Variants in ZNF613 observed in about 807,000 individuals in gnomAD.
The protein encoded by ZNF613 is zinc finger protein 613.
A neutral mutation model predicts 14.3 loss-of-function variants in ZNF613; 8 were observed. That is an observed-to-expected ratio of 0.56 (90% CI 0.33 to 1.01). The LOEUF is 1.01. Ranked by LOEUF, ZNF613 falls within the 50% of genes least tolerant of loss-of-function variation. ZNF613 has a pLI of 0.03. For missense variants in ZNF613, 656 were observed against 741.9 expected (o/e 0.88, Z 1.35); for synonymous variants, 228 against 254.5 (o/e 0.90, Z 0.99).
At chr19:51,932,057 GC>G (rs1378128380) in intron 2 of ZNF613, among the ~76,000 whole-genome samples, 1 of 152,084 alleles carries the variant, frequency 6.6e-6, no homozygotes, top group Non-Finnish European at 1.5e-5. Flanking sequence ...TTGTCAGTCG[GC>G]CTTTTGGTTC....
At chr19:51,931,732 C>T (rs889091832) in intron 2 of ZNF613, among the ~76,000 whole-genome samples, 1 of 152,086 alleles carries the variant, frequency 6.6e-6, no homozygotes, top group Non-Finnish European at 1.5e-5. Flanking sequence ...CAGTGTTGTA[C>T]AACCACCACT....
At chr19:51,942,002 CTT>C (rs2085353656) in intron 5 of ZNF613, among the ~76,000 whole-genome samples, 1 of 152,136 alleles carries the variant, frequency 6.6e-6, no homozygotes, top group Admixed American at 6.5e-5. Context: ...CTTTTCTGTT[CTT>C]ACCATAGTCT....
At chr19:51,942,200 G>A (rs749911218) in intron 5 of ZNF613, among the ~76,000 whole-genome samples, 14 of 152,214 alleles carry the variant, frequency 9.2e-5, no homozygotes, top group South Asian at 4.1e-4. Flanking sequence ...AGTAGTTTCC[G>A]CAGTGTGTCC....
intron 5 of ZNF613, 134 bp from the exon 6 acceptor site, chr19:51,943,985 C>T (rs1486679137): frequency 3.6e-6 from 2 of 549,740 alleles, no homozygotes; most frequent in African/African-American, 3.9e-5. Flanking sequence ...GTCCAAGTGA[C>T]AATAGGCATA....
Position 51,945,972 on chromosome 19 carries a change from T to C in ZNF613, c.*235T>C, listed in dbSNP as rs987628950. The C allele has an allele frequency of 1.9e-6, 1 of 523,496 alleles. No individual in the cohort carries two copies. Among genetic ancestry groups the C allele is most frequent in the Non-Finnish European group, 3.4e-6 (1 of 291,962 alleles). The allele number at this position is 523,496 out of a possible 1,614,324, so 32.4% of individuals were successfully genotyped here. A position where few individuals can be genotyped will look rare whatever the true frequency, so the allele number is the denominator to read the frequency against. ...CCATAGATCACATCTTCAGTGAGCT[T>C]ATAGTTGGTAGAAATATAATGATCA... On this transcript the variant is annotated 3_prime_UTR_variant, in exon 6 of 6. Coordinates refer to ENST00000293471, the MANE Select transcript of ZNF613 (RefSeq NM_001031721.4).
At chr19:51,930,520 C>T (rs567998983) in intron 2 of ZNF613, among the ~76,000 whole-genome samples, 1 of 152,316 alleles carries the variant, frequency 6.6e-6, no homozygotes, top group South Asian at 2.1e-4. Context: ...CCTCAGCCTC[C>T]CAAAGTGCTG....
intron 1 of ZNF613, among the ~76,000 whole-genome samples, chr19:51,929,412 T>A (rs1568462920): frequency 6.6e-6 from 1 of 152,292 alleles, no homozygotes; most frequent in South Asian, 2.1e-4. Flanking sequence ...AGCACCTTAG[T>A]TTTTAATTTT....
Position 51,946,257 on chromosome 19 carries a change from AC to A in ZNF613, c.*521del. The A allele has an allele frequency of 6.3e-6, 1 of 159,232 alleles. No homozygotes were observed. The highest frequency in any genetic ancestry group is 1.9e-4 in the East Asian group (1 of 5,394). The allele number at this position is 159,232 out of a possible 1,614,324, so 9.9% of individuals were successfully genotyped here. A position where few individuals can be genotyped will look rare whatever the true frequency, so the allele number is the denominator to read the frequency against. The stretch of plus-strand genomic sequence containing the variant: ...TTTAGAGATTTCGATCAGAAATCTA[AC>A]ATCATTATATGGCAGATAATATACA... On this transcript the variant is annotated 3_prime_UTR_variant, in exon 6 of 6. Coordinates refer to ENST00000293471, the MANE Select transcript of ZNF613 (RefSeq NM_001031721.4).
intron 1 of ZNF613, chr19:51,928,050 A>AATCTATCTATCT (rs201340067): frequency 3.7e-5 from 3 of 81,692 alleles, no homozygotes; most frequent in African/African-American, 1.0e-4. Context: ...TGTCTAATCT[A>AATCTATCTATCT]ATCTATCTAT....
chr19:51,932,745 G>A (rs2085276730), intron 2 of ZNF613, among the ~76,000 whole-genome samples: 1 of 149,748 alleles, frequency 6.7e-6, no homozygotes, highest in South Asian at 2.1e-4. Flanking sequence ...GCACACTCTT[G>A]GCTCACTGCA....
chr19:51,939,463 G>C (rs1404462477), intron 3 of ZNF613, among the ~76,000 whole-genome samples: 1 of 151,888 alleles, frequency 6.6e-6, no homozygotes, highest in Non-Finnish European at 1.5e-5. Flanking sequence ...CGAGTAGCTG[G>C]GATTACAGGC....
rs751714240 is a variant in ZNF613, at chr19:51,944,451, C to T, written c.568C>T (p.Gln190Ter). The T allele has an allele frequency of 1.9e-6, 3 of 1,604,760 alleles. No homozygotes were observed. Among genetic ancestry groups the T allele is most frequent in the Non-Finnish European group, 8.5e-7 (1 of 1,173,110 alleles). Residue 190 changes from glutamine to a stop codon, truncating the protein, a stop_gained, in exon 6 of 6, where the codon CAA becomes TAA. Coordinates refer to ENST00000293471, the MANE Select transcript of ZNF613 (RefSeq NM_001031721.4). LOFTEE classifies it low-confidence loss of function (END_TRUNC). ...EGGNSVNTNS[Q>*]FIKHQRTQNI... The stretch of plus-strand genomic sequence containing the variant: ...TGGAAATTCTGTGAATACAAATTCA[C>T]AATTCATTAAGCATCAGCGAACTCA...
chr19:51,931,965 G>C (rs1281543233), intron 2 of ZNF613, among the ~76,000 whole-genome samples: 1 of 152,186 alleles, frequency 6.6e-6, no homozygotes, highest in Non-Finnish European at 1.5e-5. Flanking sequence ...GCCTCTAGTG[G>C]ATAAGGGCTC....
rs775851194 is a variant in ZNF613 at position 51,944,691 on chromosome 19, C to G, written c.808C>G (p.Arg270Gly). ...YECTECDKAF[R>G]WKSQLNAHQK... ...ATGCACTGAATGTGACAAAGCATTC[C>G]GCTGGAAATCACAGCTCAATGCACA... is the stretch of plus-strand genomic sequence containing the variant. Residue 270 changes from arginine (R) to glycine (G), a missense_variant, in exon 6 of 6, where the codon CGC becomes GGC. Transcript: ENST00000293471. 6.2e-6 allele frequency: 10 copies of G among 1,613,406 alleles called. No individual in the cohort carries two copies. The highest frequency in any genetic ancestry group is 8.5e-6 in the Non-Finnish European group (10 of 1,179,830).
rs2085377263 is a variant in ZNF613, at chr19:51,944,545, A to G, written c.662A>G (p.Tyr221Cys). 3.1e-6 allele frequency: 5 copies of G among 1,614,040 alleles called. No individual in the cohort carries two copies. The highest frequency in any genetic ancestry group is 2.2e-5 in the South Asian group (2 of 91,094). ...KAFLKKSRLIYHQRVHTGEKP... is the reference protein window; with the variant it reads ...KAFLKKSRLICHQRVHTGEKP... ...TTCCTCAAGAAGTCTCGCCTCATCT[A>G]TCATCAGAGAGTTCACACTGGGGAG... The change falls in exon 6 of 6, where the codon TAT becomes TGT. Residue 221 changes from tyrosine to cysteine, a missense_variant. By Grantham distance (194) the Tyr-to-Cys change is radical. Coordinates refer to ENST00000293471, the MANE Select transcript of ZNF613 (RefSeq NM_001031721.4).
chr19:51,940,793 A>C, intron 5 of ZNF613, 84 bp downstream of exon 5: 1 of 1,138,910 alleles, frequency 8.8e-7, no homozygotes, highest in Non-Finnish European at 1.2e-6. Flanking sequence ...CTGTCAGGGC[A>C]TCTGAGGCTG....
Position 51,945,991 on chromosome 19 carries a change from A to G in ZNF613, c.*254A>G. On this transcript the variant is annotated 3_prime_UTR_variant, in exon 6 of 6. Transcript: ENST00000293471. ...TGAGCTTATAGTTGGTAGAAATATA[A>G]TGATCATGGAAAAGTCCTTGTTCAG... The G allele has an allele frequency of 2.1e-6, 1 of 474,300 alleles. No individual in the cohort carries two copies. Among genetic ancestry groups the G allele is most frequent in the Non-Finnish European group, 3.8e-6 (1 of 261,510 alleles). 29.4% of individuals were successfully genotyped at this position (474,300 alleles called of 1,614,324 possible).
intron 3 of ZNF613, among the ~76,000 whole-genome samples, chr19:51,938,462 C>T (rs1176753813): frequency 6.6e-6 from 1 of 151,810 alleles, no homozygotes; most frequent in Non-Finnish European, 1.5e-5. Flanking sequence ...TGGGGTTTTG[C>T]CATGTTGCCC....
intron 1 of ZNF613, among the ~76,000 whole-genome samples, chr19:51,928,442 T>A (rs1326136648): frequency 6.6e-6 from 1 of 152,228 alleles, no homozygotes; most frequent in Admixed American, 6.5e-5. Flanking sequence ...ACATTCCCTC[T>A]CAGTCCCTTT....
Sources: allele counts gnomAD v4.1 joint callset (sites outside exome capture counted in the v4.1 genomes callset), GRCh38; gene constraint gnomAD v4.1.1; transcripts MANE v1.5; gene names NCBI Gene and HGNC (gene_info 2026-07-23, HGNC 2026-07-21).